TPCN2: variants seen among roughly 807,000 people sequenced by gnomAD.
TPCN2 encodes two pore segment channel 2, also known as two pore channel protein 2.
In TPCN2, 92 loss-of-function variants were observed where a neutral mutation model predicts 111.4. The observed-to-expected ratio is 0.83, with a 90% CI of 0.70 to 0.98. The LOEUF is 0.98. Among genes scored for constraint, TPCN2 ranks in the 50% least tolerant of loss-of-function variants. The pLI is 0.00. For synonymous variants in TPCN2, 405 were observed against 414.5 expected (o/e 0.98, Z 0.28); for missense variants, 995 against 980.1 (o/e 1.02, Z -0.20).
rs1297044269 is a variant in TPCN2, at chr11:69,083,990, A to G, written c.1735A>G (p.Met579Val). ...TACCGTCCTGGGCCTGGTGCAGAAC[A>G]TGCGTGCGTTTGGCGGGATCCTGGT... ...ASTVLGLVQN[M>V]RAFGGILVVV... The change falls in exon 19 of 25, where the codon ATG becomes GTG. Residue 579 changes from methionine (M) to valine (V), a missense_variant. Met to Val is a conservative substitution (Grantham distance 21). Coordinates refer to ENST00000294309, the MANE Select transcript of TPCN2 (RefSeq NM_139075.4). 6.2e-7 allele frequency: 1 copy of G among 1,614,082 alleles called. No individual in the cohort carries two copies. The highest frequency in any genetic ancestry group is 1.1e-5 in the South Asian group (1 of 91,084).
At chr11:69,085,783 C>T (rs1399373475) in intron 21 of TPCN2, 31 bp downstream of exon 21, 15 of 1,593,114 alleles carry the variant, frequency 9.4e-6, no homozygotes, top group Non-Finnish European at 1.2e-5. Flanking sequence ...CAGCACCCTG[C>T]TCCCCGGGCT....
At chr11:69,063,151 G>A (rs530335244) in intron 6 of TPCN2, among the ~76,000 whole-genome samples, 161 bp downstream of exon 6, 1 of 151,984 alleles carries the variant, frequency 6.6e-6, no homozygotes, top group South Asian at 2.1e-4. Context: ...GGGGGCTTTT[G>A]GGGTCTCTTT....
intron 7 of TPCN2, among the ~76,000 whole-genome samples, chr11:69,067,255 G>A (rs1404153286): frequency 1.3e-5 from 2 of 152,230 alleles, no homozygotes; most frequent in African/African-American, 2.4e-5. Context: ...TTTTGCTGTG[G>A]TTCTGAGCCG....
Position 69,055,299 on chromosome 11 carries a change from G to A in TPCN2, c.376G>A (p.Glu126Lys), listed in dbSNP as rs1417355898. The change falls in exon 4 of 25, where the codon GAG (glutamate) becomes AAG (lysine). Residue 126 changes from glutamate (E) to lysine (K), a missense_variant. Coordinates refer to ENST00000294309, the MANE Select transcript of TPCN2 (RefSeq NM_139075.4). ...CTGGGAGCCGCCCTGCGGCCTGACC[G>A]AGAGTGTCGAGGTGCTCTGCCTGCT... ...APWEPPCGLTESVEVLCLLVF... is the reference protein window; with the variant it reads ...APWEPPCGLTKSVEVLCLLVF... The A allele has an allele frequency of 3.1e-6, 5 of 1,613,614 alleles. No homozygotes were observed. The highest frequency in any genetic ancestry group is 2.2e-5 in the South Asian group (2 of 91,052).
chr11:69,084,616 C>T, intron 19 of TPCN2: 1 of 985,452 alleles, frequency 1.0e-6, no homozygotes, highest in Non-Finnish European at 1.2e-6. Flanking sequence ...AGGAGGCGCC[C>T]TTTGCAGGAA....
chr11:69,079,246 G>T, intron 16 of TPCN2: 1 of 584,702 alleles, frequency 1.7e-6, no homozygotes, highest in Non-Finnish European at 2.9e-6. Context: ...GTGTCATGGG[G>T]GGCAGGCTGC....
At chr11:69,071,711 C>A (rs922820240) in intron 10 of TPCN2, among the ~76,000 whole-genome samples, 1 of 152,214 alleles carries the variant, frequency 6.6e-6, no homozygotes, top group African/African-American at 2.4e-5. Context: ...GCAGCACGCC[C>A]GTCAGACTCC....
chr11:69,077,967 C>T (rs1056510662), intron 13 of TPCN2, among the ~76,000 whole-genome samples: 1 of 152,180 alleles, frequency 6.6e-6, no homozygotes, highest in East Asian at 1.9e-4. Context: ...TGACCTCTTG[C>T]ACACACAGAC....
At chr11:69,063,996 A>G in intron 7 of TPCN2, 29 bp downstream of exon 7, 1 of 1,607,204 alleles carries the variant, frequency 6.2e-7, no homozygotes, top group Non-Finnish European at 8.5e-7. Context: ...GGGTCTGGGA[A>G]TGGGGCTGCC....
chr11:69,055,820 T>C (rs1317594484), intron 4 of TPCN2, among the ~76,000 whole-genome samples: 3 of 152,352 alleles, frequency 2.0e-5, no homozygotes, highest in Middle Eastern at 3.4e-3. Context: ...AGTGCTGCTG[T>C]GAGGAGAGGT....
In TPCN2 at chr11:69,078,465, G is replaced by C. The variant is rs376699718; in HGVS notation, c.1231-17G>C. 6.2e-7 allele frequency: 1 copy of C among 1,613,814 alleles called. No homozygotes were observed. The highest frequency in any genetic ancestry group is 8.5e-7 in the Non-Finnish European group (1 of 1,180,012). ...GCTGCTGGCCTGTGCTTCTGAGCAC[G>C]TGTGTTCCTTGCCCAGCACCCGCCG... On this transcript the variant is annotated splice_polypyrimidine_tract_variant and intron_variant, in intron 13 of 24. Coordinates refer to ENST00000294309, the MANE Select transcript of TPCN2 (RefSeq NM_139075.4).
chr11:69,082,866 G>T (rs573903991), intron 18 of TPCN2, among the ~76,000 whole-genome samples: 12 of 143,316 alleles, frequency 8.4e-5, no homozygotes, highest in African/African-American at 2.1e-4. Flanking sequence ...CTCGTGCCCG[G>T]ATAAGACGCA....
At position 69,087,211 on chromosome 11, in the gene TPCN2, G is replaced by A; in HGVS notation, c.2180+5G>A. ...GACTGTGGAGCTCCTGTTCAGGTGT[G>A]TGGGTGGGGAAGGCGCTTCTGTCTG... On this transcript the variant is annotated splice_donor_5th_base_variant and intron_variant, in intron 24 of 24. Coordinates refer to ENST00000294309, the MANE Select transcript of TPCN2 (RefSeq NM_139075.4). 2 of 1,613,400 alleles carry A rather than the reference G, an allele frequency of 1.2e-6. No homozygotes were observed. Among genetic ancestry groups the A allele is most frequent in the Non-Finnish European group, 8.5e-7 (1 of 1,179,506 alleles).
chr11:69,072,865 G>A, intron 12 of TPCN2, 50 bp from the exon 13 acceptor site: 1 of 1,558,722 alleles, frequency 6.4e-7, no homozygotes, highest in Non-Finnish European at 8.8e-7. Context: ...ACCTTCGAGG[G>A]CGCTCACCTT....
chr11:69,057,746 G>A, intron 5 of TPCN2, 52 bp downstream of exon 5: 1 of 1,553,384 alleles, frequency 6.4e-7, no homozygotes, highest in South Asian at 1.1e-5. Context: ...GGCTGGTGTG[G>A]GTGCAAGGCC....
In TPCN2 at chr11:69,071,531, C is replaced by T. The variant is rs116159235; in HGVS notation, c.960+111C>T. The T allele has an allele frequency of 4.5e-4, 433 of 966,070 alleles. 1 individual carries two copies. The African/African-American group carries it at 6.2e-3, about 14-fold the overall frequency. 59.8% of individuals were successfully genotyped at this position (966,070 alleles called of 1,614,324 possible). ...CTTGCTGGCCAGGCCCCTGGTGGGACGGGAGGGCAGGGTTGCCACCTCTTG... is the reference window on the plus strand; with the variant it reads ...CTTGCTGGCCAGGCCCCTGGTGGGATGGGAGGGCAGGGTTGCCACCTCTTG... On this transcript the variant is annotated intron_variant, in intron 10 of 24. Transcript: ENST00000294309.
intron 19 of TPCN2, among the ~76,000 whole-genome samples, 181 bp downstream of exon 19, chr11:69,084,197 C>T (rs1856170600): frequency 6.6e-6 from 1 of 152,172 alleles, no homozygotes; most frequent in Non-Finnish European, 1.5e-5. Context: ...AGAGGCATCC[C>T]CTTCTTTGTA....
chr11:69,065,370 C>G (rs946311574), intron 7 of TPCN2, among the ~76,000 whole-genome samples: 1 of 152,120 alleles, frequency 6.6e-6, no homozygotes, highest in Non-Finnish European at 1.5e-5. Flanking sequence ...TCCTCGACCC[C>G]GGGAAAGCCG....
intron 17 of TPCN2, 43 bp from the exon 18 acceptor site, chr11:69,081,357 G>T: frequency 7.2e-7 from 1 of 1,392,430 alleles, no homozygotes; most frequent in Non-Finnish European, 9.8e-7. Context: ...TCCCTGTGGG[G>T]CTCCTGGGCT....
Sources: allele counts gnomAD v4.1 joint callset (sites outside exome capture counted in the v4.1 genomes callset), GRCh38; gene constraint gnomAD v4.1.1; transcripts MANE v1.5; gene names NCBI Gene and HGNC (gene_info 2026-07-23, HGNC 2026-07-21).